The following LMLN variants were observed in gnomAD, a reference collection of about 807,000 sequenced individuals.
The protein encoded by LMLN is leishmanolysin like peptidase, also known as leishmanolysin-like peptidase.
In LMLN, 70 loss-of-function variants were observed where a neutral mutation model predicts 92.3. The ratio of observed to expected loss-of-function variants is 0.76; its 90% CI spans 0.63 to 0.92. The LOEUF is 0.92. Among genes scored for constraint, LMLN ranks in the 40% least tolerant of loss-of-function variants. LMLN has a pLI of 0.00. For synonymous variants in LMLN, 308 were observed against 296.2 expected, an observed-to-expected ratio of 1.04 and a Z score of -0.41; for missense variants, 691 against 814.6, an observed-to-expected ratio of 0.85 and a Z score of 1.85.
At chr3:197,999,221 G>A (rs1433809667) in intron 10 of LMLN, 45 bp from the exon 11 acceptor site, 17 of 1,330,592 alleles carry the variant, frequency 1.3e-5, no homozygotes, top group African/African-American at 5.8e-5. Flanking sequence ...AATATTAGGA[G>A]TTGCAGAGAA....
At chr3:197,973,716 G>A (rs181925774) in intron 1 of LMLN, among the ~76,000 whole-genome samples, 251 of 152,278 alleles carry the variant, frequency 1.6e-3, no homozygotes, top group African/African-American at 5.7e-3. Flanking sequence ...ATCAAACGTA[G>A]TTTTCTACAA....
intron 1 of LMLN, among the ~76,000 whole-genome samples, chr3:197,970,403 CAAAGGGA>C (rs2109848809): frequency 6.6e-6 from 1 of 152,124 alleles, no homozygotes; most frequent in Admixed American, 6.5e-5. Flanking sequence ...GTAAAATCAG[CAAAGGGA>C]AAAGGATCAT....
At position 197,996,114 on chromosome 3, in the gene LMLN, T is replaced by C. The variant is rs1294595224; in HGVS notation, c.1048-61T>C. Reference sequence around the variant, plus strand: ...TATTATATTCATGTGATGAAAAGTTTGCTGTTATCTTACGGTACTTTTGTA... The same window carrying C: ...TATTATATTCATGTGATGAAAAGTTCGCTGTTATCTTACGGTACTTTTGTA... On this transcript the variant is annotated intron_variant, in intron 9 of 15. Transcript: ENST00000330198. The C allele has an allele frequency of 1.7e-5, 14 of 811,940 alleles. No homozygotes were observed. In the East Asian group the frequency reaches 1.7e-4, roughly 10 times the overall value. The allele number at this position is 811,940 out of a possible 1,614,324, so 50.3% of individuals were successfully genotyped here.
intron 10 of LMLN, among the ~76,000 whole-genome samples, chr3:197,996,998 T>C (rs956943172): frequency 4.7e-5 from 7 of 149,226 alleles, no homozygotes; most frequent in Admixed American, 4.0e-4. Context: ...TTTGTTTTTT[T>C]TCTTTTCTTT....
At chr3:198,018,059 A>C (rs1446958788) in intron 11 of LMLN, among the ~76,000 whole-genome samples, 1 of 152,212 alleles carries the variant, frequency 6.6e-6, no homozygotes, top group African/African-American at 2.4e-5. Flanking sequence ...GTAAGCCATG[A>C]ATCTTAGACA....
chr3:198,003,271 G>A (rs1375370938), intron 11 of LMLN, 146 bp downstream of exon 12: 1 of 530,430 alleles, frequency 1.9e-6, no homozygotes, highest in East Asian at 3.1e-5. Context: ...TAGATGGTTG[G>A]TAATAATATA....
intron 1 of LMLN, among the ~76,000 whole-genome samples, chr3:197,972,294 C>A (rs1721251884): frequency 6.6e-6 from 1 of 152,036 alleles, no homozygotes; most frequent in African/African-American, 2.4e-5. Flanking sequence ...GAACTCCTGA[C>A]CTCAAGTGAT....
chr3:198,026,058 G>A (rs1722923939), intron 14 of LMLN, among the ~76,000 whole-genome samples: 1 of 151,752 alleles, frequency 6.6e-6, no homozygotes, highest in African/African-American at 2.4e-5. Context: ...AGGCTCAGGC[G>A]ATTCTCCCAC....
At chr3:198,000,454 G>A (rs1428229722) in intron 11 of LMLN, among the ~76,000 whole-genome samples, 1 of 152,114 alleles carries the variant, frequency 6.6e-6, no homozygotes, top group Non-Finnish European at 1.5e-5. Flanking sequence ...TTGAGACGGA[G>A]TGTTGCTCTG....
At chr3:197,994,735 TAAG>T (rs1168437923) in intron 9 of LMLN, 12 of 152,116 alleles carry the variant, frequency 7.9e-5, no homozygotes, top group African/African-American at 2.9e-4. Flanking sequence ...AAACAAAAGA[TAAG>T]AAGTGTTGGT....
At chr3:197,960,289 G>T (rs764856622) in exon 1 of LMLN, 31 of 1,613,682 alleles carry the variant, frequency 1.9e-5, no homozygotes, top group Non-Finnish European at 2.3e-5. Flanking sequence ...TCGGGCTCAG[G>T]CCCGGGCCGG....
At chr3:198,023,743 T>C (rs1722844091) in intron 13 of LMLN, among the ~76,000 whole-genome samples, 1 of 152,200 alleles carries the variant, frequency 6.6e-6, no homozygotes, top group Non-Finnish European at 1.5e-5. Context: ...TTTGTCCCTT[T>C]GTCCATTAGA....
chr3:198,012,452 C>G (rs1274763837), intron 11 of LMLN, among the ~76,000 whole-genome samples: 1 of 152,172 alleles, frequency 6.6e-6, no homozygotes, highest in Non-Finnish European at 1.5e-5. Flanking sequence ...TAATTTCCTG[C>G]CTAGTTGGTC....
At chr3:197,964,881 CT>C (rs1339974143) in intron 1 of LMLN, among the ~76,000 whole-genome samples, 1 of 151,742 alleles carries the variant, frequency 6.6e-6, no homozygotes, top group East Asian at 2.0e-4. Flanking sequence ...GTGGCGGGCA[CT>C]TTTAATCCCA....
At chr3:197,983,379 CACAG>C (rs1215376955) in intron 6 of LMLN, among the ~76,000 whole-genome samples, 6 of 151,956 alleles carry the variant, frequency 3.9e-5, no homozygotes, top group Admixed American at 2.6e-4. Flanking sequence ...AGGTTCTAGG[CACAG>C]AGAGAGATGT....
chr3:197,990,667 T>A, exon 9 of LMLN: 1 of 1,519,084 alleles, frequency 6.6e-7, no homozygotes, highest in Non-Finnish European at 9.1e-7. Flanking sequence ...TGGTAACGCC[T>A]CGTGTTGTTG....
intron 1 of LMLN, among the ~76,000 whole-genome samples, chr3:197,970,772 C>G (rs1442999317): frequency 6.6e-6 from 1 of 152,232 alleles, no homozygotes; most frequent in Non-Finnish European, 1.5e-5. Flanking sequence ...GCAGGACTTC[C>G]TACAGAGAGC....
At chr3:197,975,188 G>A in intron 3 of LMLN, 116 bp downstream of exon 3, 1 of 596,424 alleles carries the variant, frequency 1.7e-6, no homozygotes, top group Non-Finnish European at 3.0e-6. Flanking sequence ...AAAGGTGTTG[G>A]TAGTGAAAGT....
intron 9 of LMLN, 41 bp downstream of exon 9, chr3:197,990,717 C>A: frequency 1.0e-6 from 1 of 976,464 alleles, no homozygotes; most frequent in South Asian, 1.4e-5. Flanking sequence ...GCCATCTGTT[C>A]TTTTCCTTTA....
Sources: gnomAD v4.1 joint callset for allele counts (sites outside exome capture counted in the v4.1 genomes callset) on GRCh38, gnomAD v4.1.1 for gene constraint, MANE v1.5 for transcripts, NCBI Gene and HGNC (gene_info 2026-07-23, HGNC 2026-07-21) for gene names.